GGACT: variants seen among roughly 807,000 people sequenced by gnomAD.
GGACT encodes the protein gamma-glutamylamine cyclotransferase.
For synonymous variants in GGACT, 118 were observed against 115.3 expected (o/e 1.02, Z -0.15); for missense variants, 241 against 233.2 (o/e 1.03, Z -0.22).
At chr13:100,553,523 C>T (rs535767355) in intron 2 of GGACT, among the ~76,000 whole-genome samples, 1 of 152,276 alleles carries the variant, frequency 6.6e-6, no homozygotes, top group South Asian at 2.1e-4. Flanking sequence ...GACAAGGGCA[C>T]ACACTGCAGG....
chr13:100,563,954 C>T (rs2088787563), intron 2 of GGACT, among the ~76,000 whole-genome samples: 1 of 151,950 alleles, frequency 6.6e-6, no homozygotes, highest in South Asian at 2.1e-4. Context: ...GGCCTGTGGG[C>T]TACTGGGAAC....
chr13:100,557,842 AAAGAACTCTCACACCTCAAGAAGAAG>A (rs2153014865), intron 2 of GGACT, among the ~76,000 whole-genome samples: 1 of 152,320 alleles, frequency 6.6e-6, no homozygotes, highest in South Asian at 2.1e-4. Context: ...CAGAATATAC[AAAGAACTCTCACACCTCAAGAAGAAG>A]AAAAACAATC....
intron 2 of GGACT, among the ~76,000 whole-genome samples, chr13:100,547,536 G>A (rs1475584803): frequency 6.6e-6 from 1 of 152,198 alleles, no homozygotes; most frequent in Admixed American, 6.5e-5. Flanking sequence ...GGCCTGGTCT[G>A]CGCTTACTGT....
At chr13:100,564,420 C>T (rs2088792584) in intron 2 of GGACT, among the ~76,000 whole-genome samples, 1 of 152,102 alleles carries the variant, frequency 6.6e-6, no homozygotes, top group South Asian at 2.1e-4. Context: ...ACCAGAAGAG[C>T]TAATTTTCCA....
At chr13:100,563,850 T>A (rs2088786328) in intron 2 of GGACT, among the ~76,000 whole-genome samples, 1 of 152,170 alleles carries the variant, frequency 6.6e-6, no homozygotes, top group Non-Finnish European at 1.5e-5. Flanking sequence ...GTAAAAACCA[T>A]GCTGGAAAGA....
chr13:100,554,843 A>G (rs769602324), intron 2 of GGACT, among the ~76,000 whole-genome samples: 8 of 152,218 alleles, frequency 5.3e-5, no homozygotes, highest in Non-Finnish European at 8.8e-5. Flanking sequence ...AGAGAAAAGA[A>G]ATCATCAGTA....
At chr13:100,581,844 A>C (rs1040708783) in intron 2 of GGACT, among the ~76,000 whole-genome samples, 2 of 152,212 alleles carry the variant, frequency 1.3e-5, no homozygotes, top group Non-Finnish European at 2.9e-5. Flanking sequence ...CTTTATCTCC[A>C]TGGTCTTCCT....
At chr13:100,566,274 T>C (rs983296436) in intron 2 of GGACT, among the ~76,000 whole-genome samples, 2 of 152,228 alleles carry the variant, frequency 1.3e-5, no homozygotes, top group African/African-American at 4.8e-5. Flanking sequence ...TCCTCAGCAG[T>C]GGATAAGTCC....
Position 100,534,703 on chromosome 13 carries a change from C to G in GGACT, c.-10-2102G>C, listed in dbSNP as rs2088466174. ...CCTGCATCCCAGCCCCCAGCGAGAC[C>G]CATCAGCACTTCCCCTGCCACGTCT... On this transcript the variant is annotated intron_variant, in intron 2 of 2. Transcript: ENST00000683975. This position sits in a 1 kb window ranked among gnomAD's most constrained non-coding sequence, Gnocchi z 4.9. Among the ~76,000 whole-genome samples the G allele has an allele frequency of 6.6e-6, 1 of 152,138 alleles. No homozygotes were observed. Among genetic ancestry groups the G allele is most frequent in the Non-Finnish European group, 1.5e-5 (1 of 68,022 alleles).
chr13:100,540,544 C>T (rs1271496929), intron 2 of GGACT, among the ~76,000 whole-genome samples: 1 of 152,298 alleles, frequency 6.6e-6, no homozygotes, highest in East Asian at 1.9e-4. Flanking sequence ...AAAGGTCTGT[C>T]AATTTTGTTA....
chr13:100,585,779 G>GAA (rs71121120), intron 1 of GGACT, among the ~76,000 whole-genome samples: 2 of 50,082 alleles, frequency 4.0e-5, no homozygotes, highest in Admixed American at 2.9e-4. Flanking sequence ...TCTCAGGAAG[G>GAA]AAAAAAAAAA....
intron 2 of GGACT, among the ~76,000 whole-genome samples, chr13:100,573,389 G>T (rs1247337987): frequency 6.6e-6 from 1 of 152,130 alleles, no homozygotes; most frequent in African/African-American, 2.4e-5. Flanking sequence ...GTTTAAAAGA[G>T]ACCCATATAT....
intron 2 of GGACT, among the ~76,000 whole-genome samples, chr13:100,565,370 A>G (rs923487881): frequency 1.3e-5 from 2 of 152,178 alleles, no homozygotes; most frequent in Non-Finnish European, 2.9e-5. Flanking sequence ...AACAGCTTTC[A>G]TTTGCACATC....
intron 2 of GGACT, among the ~76,000 whole-genome samples, chr13:100,552,901 G>A (rs2088678067): frequency 6.6e-6 from 1 of 152,142 alleles, no homozygotes; most frequent in South Asian, 2.1e-4. Flanking sequence ...AGGACCAGGT[G>A]TCAAGTGTCC....
chr13:100,534,355 T>TG lies in GGACT; in HGVS notation c.-10-1755dup, dbSNP rs1352788222. On this transcript the variant is annotated intron_variant, in intron 2 of 2. Coordinates refer to ENST00000683975, the MANE Select transcript of GGACT (RefSeq NM_001195087.2). The surrounding 1 kb of genome is among the most constrained non-coding windows in gnomAD (Gnocchi z 4.9). ...CCAGTGTGGGGACACAGATTAGACC[T>TG]GGGGGGCATGCTGGGATAGGAAAGT... 6.6e-6 allele frequency among the ~76,000 whole-genome samples: 1 copy of TG among 152,066 alleles called. No individual in the cohort carries two copies. Among genetic ancestry groups the TG allele is most frequent in the Non-Finnish European group, 1.5e-5 (1 of 68,014 alleles).
chr13:100,531,947 G>A lies in GGACT; in HGVS notation c.*183C>T, dbSNP rs1015978143. ...TTCTTACCAGGTAGAAAGATGGGAG[G>A]GAAGCACCTTGCTATTCGTATCTCA... On this transcript the variant is annotated 3_prime_UTR_variant, in exon 3 of 3. Coordinates refer to ENST00000683975, the MANE Select transcript of GGACT (RefSeq NM_001195087.2). 1.6e-5 allele frequency: 7 copies of A among 435,704 alleles called. No individual in the cohort carries two copies. Among genetic ancestry groups the A allele is most frequent in the Admixed American group, 3.9e-5 (1 of 25,510 alleles). 27.0% of individuals were successfully genotyped at this position (435,704 alleles called of 1,614,324 possible).
At chr13:100,584,431 T>C (rs1365256119) in intron 1 of GGACT, among the ~76,000 whole-genome samples, 1 of 152,040 alleles carries the variant, frequency 6.6e-6, no homozygotes, top group African/African-American at 2.4e-5. Context: ...ATTAAAACAA[T>C]TGAACTGACT....
intron 2 of GGACT, among the ~76,000 whole-genome samples, chr13:100,574,562 C>T (rs60086066): frequency 0.019 from 2,904 of 152,136 alleles, 84 homozygotes; most frequent in African/African-American, 0.066. Flanking sequence ...GGCAACAGAG[C>T]GAGACCCCAT....
At position 100,530,529 on chromosome 13, in the gene GGACT, G is replaced by GAGAT. The variant is rs1388792590; in HGVS notation, c.*1597_*1600dup. The GAGAT allele has an allele frequency of 1.9e-5, 7 of 371,648 alleles. No homozygotes were observed. The highest frequency in any genetic ancestry group is 9.7e-5 in the South Asian group (4 of 41,072). The allele number at this position is 371,648 out of a possible 1,614,324, so 23.0% of individuals were successfully genotyped here. On this transcript the variant is annotated 3_prime_UTR_variant, in exon 3 of 3. Coordinates refer to ENST00000683975, the MANE Select transcript of GGACT (RefSeq NM_001195087.2). ...CAGCATTTCTTTGTGATCCTTTTAA[G>GAGAT]AGATTGATATAAATGTCAGTCAGTT...
Sources: allele counts gnomAD v4.1 joint callset (sites outside exome capture counted in the v4.1 genomes callset), GRCh38; gene constraint gnomAD v4.1.1; non-coding constraint Gnocchi (gnomAD v3.1); transcripts MANE v1.5; gene names NCBI Gene and HGNC (gene_info 2026-07-23, HGNC 2026-07-21).